Variants in CD36 observed in about 807,000 individuals in gnomAD.
The protein encoded by CD36 is CD36 molecule (CD36 blood group).
In CD36, 119 loss-of-function variants were observed where a neutral mutation model predicts 55.2. The observed-to-expected ratio is 2.15, with a 90% CI of 1.86 to 2.51. CD36 has a LOEUF of 2.51. CD36 is among the 30% of genes most tolerant of loss of function. The pLI, the probability that CD36 is intolerant of heterozygous loss-of-function variation, is 0.00. For missense variants in CD36, 819 were observed against 555.5 expected (o/e 1.47, Z -4.77); for synonymous variants, 186 against 193.6 (o/e 0.96, Z 0.33).
At chr7:80,672,738 A>C in intron 11 of CD36, 32 bp from the exon 12 acceptor site, 1 of 1,437,570 alleles carries the variant, frequency 7.0e-7, no homozygotes, top group Non-Finnish European at 9.7e-7. Flanking sequence ...TGTTTTTAAA[A>C]GTTGGTAATT....
Position 80,646,980 on chromosome 7 carries a change from A to G in CD36, c.120+120A>G, listed in dbSNP as rs1584369781. Reference sequence around the variant, plus strand: ...CTGCTAATTTTGTATCTTTGACATAAAGGTAATTATGAACCACTGCAACTC... The same window carrying G: ...CTGCTAATTTTGTATCTTTGACATAGAGGTAATTATGAACCACTGCAACTC... On this transcript the variant is annotated intron_variant, in intron 3 of 14. Coordinates refer to ENST00000447544, the MANE Select transcript of CD36 (RefSeq NM_001001548.3). The G allele has an allele frequency of 5.3e-6, 6 of 1,124,706 alleles. No homozygotes were observed. The East Asian group carries it at 1.5e-4, about 27-fold the overall frequency. 69.7% of individuals were successfully genotyped at this position (1,124,706 alleles called of 1,614,324 possible). A position where few individuals can be genotyped will look rare whatever the true frequency, so the allele number is the denominator to read the frequency against.
chr7:80,625,454 G>A (rs184309074), intron 1 of CD36, among the ~76,000 whole-genome samples: 28 of 152,228 alleles, frequency 1.8e-4, no homozygotes, highest in African/African-American at 6.7e-4. Context: ...GCCGCAGTGG[G>A]CATTGTGTGA....
rs1357403563 is a variant in CD36 at position 80,672,632 on chromosome 7, A to G, written c.1126-138A>G. On this transcript the variant is annotated intron_variant, in intron 11 of 14. Transcript: ENST00000447544. The stretch of plus-strand genomic sequence containing the variant: ...CATGTGTATATAACTATAACTATAT[A>G]TGCAGTTTTAAAAGTTTCAATTAGT... The G allele has an allele frequency of 4.6e-6, 3 of 652,950 alleles. No individual in the cohort carries two copies. In the Admixed American group the frequency reaches 7.2e-5, roughly 16 times the overall value. 40.4% of individuals were successfully genotyped at this position (652,950 alleles called of 1,614,324 possible).
At chr7:80,636,309 T>A (rs1953299), upstream of CD36, among the ~76,000 whole-genome samples, 1 of 151,762 alleles carries the variant, frequency 6.6e-6, no homozygotes, top group Non-Finnish European at 1.5e-5. Flanking sequence ...TTTAGTTTTC[T>A]CTATTCTTTG....
intron 1 of CD36, among the ~76,000 whole-genome samples, chr7:80,614,332 A>C (rs1311904667): frequency 1.3e-5 from 2 of 152,170 alleles, no homozygotes; most frequent in African/African-American, 2.4e-5. Context: ...GTTTAGACAT[A>C]GGTTCTCTTT....
At chr7:80,639,420 AT>A (rs1317994604) in intron 1 of CD36, among the ~76,000 whole-genome samples, 7 of 151,858 alleles carry the variant, frequency 4.6e-5, no homozygotes, top group South Asian at 2.1e-4. Flanking sequence ...AATAAAGTTA[AT>A]TTTTTTTCGA....
intron 3 of CD36, among the ~76,000 whole-genome samples, chr7:80,651,234 C>T (rs184084199): frequency 6.1e-4 from 92 of 152,000 alleles, no homozygotes; most frequent in African/African-American, 2.1e-3. Context: ...TGGGGCTAAT[C>T]GAGGGTGGGA....
intron 3 of CD36, among the ~76,000 whole-genome samples, chr7:80,655,695 T>C (rs1165902652): frequency 6.6e-6 from 1 of 152,144 alleles, no homozygotes; most frequent in Non-Finnish European, 1.5e-5. Flanking sequence ...CTCACACCTG[T>C]AATTCCAGCC....
chr7:80,642,335 G>A (rs865788864), intron 1 of CD36, among the ~76,000 whole-genome samples: 1 of 152,094 alleles, frequency 6.6e-6, no homozygotes, highest in African/African-American at 2.4e-5. Context: ...TATATAAGGA[G>A]TTGTGTTATT....
At chr7:80,668,614 T>C (rs1157171135) in intron 8 of CD36, among the ~76,000 whole-genome samples, 1 of 152,216 alleles carries the variant, frequency 6.6e-6, no homozygotes, top group African/African-American at 2.4e-5. Flanking sequence ...TGGGTATAAT[T>C]AGGACATAAT....
At chr7:80,629,919 TG>T (rs1793978776) in intron 1 of CD36, among the ~76,000 whole-genome samples, 3 of 150,602 alleles carry the variant, frequency 2.0e-5, no homozygotes, top group Admixed American at 2.0e-4. Context: ...TTTGGTATCA[TG>T]AAAAAAAGTA....
chr7:80,664,285 G>A (rs1443988343), intron 6 of CD36, 121 bp from the exon 7 acceptor site: 2 of 678,982 alleles, frequency 2.9e-6, no homozygotes, highest in East Asian at 2.6e-5. Context: ...AAAATGTATT[G>A]CAGATGTATT....
At chr7:80,638,228 A>T (rs1156649798), upstream of CD36, among the ~76,000 whole-genome samples, 2 of 151,906 alleles carry the variant, frequency 1.3e-5, no homozygotes, top group Non-Finnish European at 2.9e-5. Flanking sequence ...AACTTAATAA[A>T]ATAAGTTTCG....
At chr7:80,609,215 T>A (rs570660991) in intron 1 of CD36, among the ~76,000 whole-genome samples, 1 of 152,336 alleles carries the variant, frequency 6.6e-6, no homozygotes, top group Non-Finnish European at 1.5e-5. Context: ...TGGCCACTTT[T>A]CTGGTGTCTT....
chr7:80,647,831 A>C (rs1795287316), intron 3 of CD36, among the ~76,000 whole-genome samples: 1 of 152,178 alleles, frequency 6.6e-6, no homozygotes, highest in African/African-American at 2.4e-5. Flanking sequence ...AAATAAAACG[A>C]GTTCTGCCTT....
chr7:80,607,081 A>G (rs563019551), intron 1 of CD36, among the ~76,000 whole-genome samples: 5 of 152,176 alleles, frequency 3.3e-5, no homozygotes, highest in African/African-American at 1.2e-4. Context: ...GGCAAACAGG[A>G]TGCTTACTAT....
chr7:80,642,875 T>C (rs561101017), intron 1 of CD36, among the ~76,000 whole-genome samples: 2 of 152,332 alleles, frequency 1.3e-5, no homozygotes, highest in African/African-American at 4.8e-5. Flanking sequence ...GATTGAGAAC[T>C]GTCTAACCAT....
At position 80,677,110 on chromosome 7, in the gene CD36, A is replaced by G. The variant is rs1029879463; in HGVS notation, c.*727A>G. On this transcript the variant is annotated 3_prime_UTR_variant, in exon 15 of 15. Coordinates refer to ENST00000447544, the MANE Select transcript of CD36 (RefSeq NM_001001548.3). ...TGAATCCACATTTCTTTATAAATCC[A>G]TAGTCCTTGCTGAAATATGCTTTCT... is the stretch of plus-strand genomic sequence containing the variant. The G allele has an allele frequency of 3.9e-5, 6 of 152,172 alleles. No homozygotes were observed. Among genetic ancestry groups the G allele is most frequent in the African/African-American group, 1.4e-4 (6 of 41,442 alleles). 9.4% of individuals were successfully genotyped at this position (152,172 alleles called of 1,614,324 possible). A position where few individuals can be genotyped will look rare whatever the true frequency, so the allele number is the denominator to read the frequency against.
intron 2 of CD36, 51 bp from the exon 3 acceptor site, chr7:80,646,601 T>G (rs1795184192): frequency 9.9e-7 from 1 of 1,009,990 alleles, no homozygotes; most frequent in African/African-American, 1.6e-5. Flanking sequence ...TACTTTGATC[T>G]TTTTGTACTG....
Sources: allele counts gnomAD v4.1 joint callset (sites outside exome capture counted in the v4.1 genomes callset), GRCh38; gene constraint gnomAD v4.1.1; transcripts MANE v1.5; gene names NCBI Gene and HGNC (gene_info 2026-07-23, HGNC 2026-07-21).